LOXHD1: variants seen among roughly 807,000 people sequenced by gnomAD.
LOXHD1 encodes lipoxygenase homology domain-containing protein 1.
Under a neutral mutation model 248.2 loss-of-function variants are expected in LOXHD1, and 205 were observed. That is an observed-to-expected ratio of 0.83 (90% CI 0.74 to 0.93). The LOEUF (loss-of-function observed/expected upper bound fraction) is 0.93. Ranked by LOEUF, LOXHD1 falls within the 40% of genes least tolerant of loss-of-function variation. LOXHD1 has a pLI of 0.00. For synonymous variants in LOXHD1, 1,113 were observed against 1,162.8 expected, an observed-to-expected ratio of 0.96 and a Z score of 0.87; for missense variants, 2,930 against 2,971.6, an observed-to-expected ratio of 0.99 and a Z score of 0.33.
chr18:46,477,562 G>A lies in LOXHD1; in HGVS notation c.6732C>T (p.Thr2244=), dbSNP rs774313483. 89 of 1,551,670 alleles carry A rather than the reference G, an allele frequency of 5.7e-5. 2 individuals carry two copies. In the South Asian group the frequency reaches 7.9e-4, roughly 14 times the overall value. ...VEKVEVTNTS[T]GVATIFNCGR... ...CACAGTTGAAGATGGTGGCCACGCC[G>A]GTGCTGGTGTTGGTGACCTCCACCT... The change falls in exon 41 of 41, where the codon ACC becomes ACT. Residue 2244 remains threonine, a synonymous_variant. Coordinates refer to ENST00000642948, the MANE Select transcript of LOXHD1 (RefSeq NM_001384474.1).
intron 8 of LOXHD1, among the ~76,000 whole-genome samples, chr18:46,598,551 GA>G (rs1402058808): frequency 6.7e-6 from 1 of 149,710 alleles, no homozygotes; most frequent in Admixed American, 6.6e-5. Context: ...ACTTCCTACA[GA>G]AAAAAAACAA....
At position 46,586,043 on chromosome 18, in the gene LOXHD1, T is replaced by C. The variant is rs142497487; in HGVS notation, c.1654+5890A>G. ...TTAACAGTTGAATTTGGTACATCGA[T>C]ACAATGGACTATATTATTCAGCAAT... On this transcript the variant is annotated intron_variant, in intron 12 of 40. Transcript: ENST00000642948. 1.3e-4 allele frequency among the ~76,000 whole-genome samples: 20 copies of C among 152,306 alleles called. No individual in the cohort carries two copies. In the East Asian group the frequency reaches 3.7e-3, roughly 28 times the overall value.
intron 37 of LOXHD1, among the ~76,000 whole-genome samples, chr18:46,499,942 G>A (rs2034118948): frequency 6.6e-6 from 1 of 152,148 alleles, no homozygotes; most frequent in Non-Finnish European, 1.5e-5. Flanking sequence ...GGGAAACTAT[G>A]GAGTAGGGAA....
At chr18:46,537,454 G>T (rs35249196) in intron 26 of LOXHD1, among the ~76,000 whole-genome samples, 20,893 of 152,138 alleles carry the variant, frequency 0.14, 1,549 homozygotes, top group South Asian at 0.23. Flanking sequence ...CATTACCTTT[G>T]TTGGGAGGAC....
chr18:46,564,635 GT>G (rs59607483), intron 17 of LOXHD1, among the ~76,000 whole-genome samples: 26,304 of 152,064 alleles, frequency 0.17, 3,628 homozygotes, highest in African/African-American at 0.38. Flanking sequence ...AAGAAGGGGG[GT>G]TGGGGTAAGG....
At position 46,610,783 on chromosome 18, in the gene LOXHD1, A is replaced by G; in HGVS notation, c.752T>C (p.Leu251Pro). The change falls in exon 6 of 41, where the codon CTG (leucine) becomes CCG (proline). Residue 251 changes from leucine (L) to proline (P), a missense_variant. Coordinates refer to ENST00000642948, the MANE Select transcript of LOXHD1 (RefSeq NM_001384474.1). ...NNKGGSAGWF[L>P]SQIVIEDIGN... ...AGAAGCAGCTGAACTCACCTGGGAC[A>G]GGAACCAACCTGCAGAGCCCCCCTT... The G allele has an allele frequency of 1.3e-6, 2 of 1,551,000 alleles. No homozygotes were observed. Among genetic ancestry groups the G allele is most frequent in the Non-Finnish European group, 1.7e-6 (2 of 1,146,594 alleles).
chr18:46,491,884 A>C (rs1161125028), intron 37 of LOXHD1, among the ~76,000 whole-genome samples: 1 of 152,228 alleles, frequency 6.6e-6, no homozygotes, highest in Non-Finnish European at 1.5e-5. Context: ...GCTCAGTGGC[A>C]GGTTGCCTCT....
At chr18:46,482,857 T>C (rs1469507195) in intron 40 of LOXHD1, among the ~76,000 whole-genome samples, 2 of 152,206 alleles carry the variant, frequency 1.3e-5, no homozygotes, top group East Asian at 1.9e-4. Context: ...CTGTGAGCTA[T>C]GTACTCAGCT....
chr18:46,654,911 A>C (rs1478102949), intron 1 of LOXHD1, among the ~76,000 whole-genome samples: 2 of 152,222 alleles, frequency 1.3e-5, no homozygotes, highest in Admixed American at 6.5e-5. Context: ...AAAATCGGGC[A>C]GTACAAGACC....
At chr18:46,481,740 T>C (rs2032588438) in intron 40 of LOXHD1, among the ~76,000 whole-genome samples, 1 of 152,140 alleles carries the variant, frequency 6.6e-6, no homozygotes, top group African/African-American at 2.4e-5. Context: ...GAAAGATGCT[T>C]CAATTAAGAG....
chr18:46,495,187 A>C (rs1418441887), intron 37 of LOXHD1, among the ~76,000 whole-genome samples: 2 of 152,222 alleles, frequency 1.3e-5, no homozygotes, highest in Non-Finnish European at 2.9e-5. Flanking sequence ...AAACACATAA[A>C]TTCTTTCTTT....
At chr18:46,537,250 T>C (rs982680505) in intron 26 of LOXHD1, among the ~76,000 whole-genome samples, 1 of 152,218 alleles carries the variant, frequency 6.6e-6, no homozygotes, top group Non-Finnish European at 1.5e-5. Flanking sequence ...CCAGTCCTCC[T>C]GGGTTTCAAT....
intron 12 of LOXHD1, among the ~76,000 whole-genome samples, chr18:46,591,118 C>G (rs1351071083): frequency 6.6e-6 from 1 of 152,096 alleles, no homozygotes; most frequent in Non-Finnish European, 1.5e-5. Flanking sequence ...AATGAGATTA[C>G]GGAGATATTT....
chr18:46,529,152 G>T, intron 29 of LOXHD1, 25 bp downstream of exon 29: 1 of 1,550,760 alleles, frequency 6.4e-7, no homozygotes, highest in Non-Finnish European at 8.7e-7. Context: ...AGGGAAGGAG[G>T]GTAAACTCCG....
At chr18:46,587,771 G>A (rs1243952637) in intron 12 of LOXHD1, among the ~76,000 whole-genome samples, 2 of 152,172 alleles carry the variant, frequency 1.3e-5, no homozygotes, top group Non-Finnish European at 2.9e-5. Flanking sequence ...AAGTACAGTG[G>A]AGAACACGGA....
intron 21 of LOXHD1, among the ~76,000 whole-genome samples, chr18:46,554,049 C>A (rs751209789): frequency 6.6e-6 from 1 of 152,194 alleles, no homozygotes; most frequent in African/African-American, 2.4e-5. Flanking sequence ...CTCTGAGTGA[C>A]CAGGAGCTTC....
chr18:46,609,514 C>T (rs2038472543), intron 6 of LOXHD1, among the ~76,000 whole-genome samples: 1 of 152,120 alleles, frequency 6.6e-6, no homozygotes, highest in Non-Finnish European at 1.5e-5. Context: ...GCAATAAGAC[C>T]TTTCTCAAAA....
At chr18:46,608,114 C>T (rs1014543385) in intron 6 of LOXHD1, among the ~76,000 whole-genome samples, 3 of 126,312 alleles carry the variant, frequency 2.4e-5, no homozygotes, top group Non-Finnish European at 5.3e-5. Context: ...AAAGACCCTA[C>T]TCCTAGATGC....
chr18:46,630,963 AAGTGTG>A (rs1443321503), intron 4 of LOXHD1, among the ~76,000 whole-genome samples: 1 of 151,984 alleles, frequency 6.6e-6, no homozygotes, highest in Non-Finnish European at 1.5e-5. Context: ...ATAATTACCA[AAGTGTG>A]AGGCTAGGAC....
Sources: allele counts gnomAD v4.1 joint callset (sites outside exome capture counted in the v4.1 genomes callset), GRCh38; gene constraint gnomAD v4.1.1; transcripts MANE v1.5; gene names NCBI Gene and HGNC (gene_info 2026-07-23, HGNC 2026-07-21).